Variants in ISCU observed in about 807,000 individuals in gnomAD.
ISCU encodes iron-sulfur cluster assembly enzyme ISCU.
A neutral mutation model predicts 18.4 loss-of-function variants in ISCU; 13 were observed. That is an observed-to-expected ratio of 0.71 (90% confidence interval 0.46 to 1.12). The LOEUF is 1.12. Among genes scored for constraint, ISCU ranks in the 50% most tolerant of loss-of-function variants. ISCU has a pLI of 0.00. For missense variants in ISCU, 229 were observed against 208.7 expected, an observed-to-expected ratio of 1.10 and a Z score of -0.60; for synonymous variants, 104 against 87.5, an observed-to-expected ratio of 1.19 and a Z score of -1.06.
chr12:108,568,896 G>T lies in ISCU; in HGVS notation c.484G>T (p.Gly162Ter), dbSNP rs200756181. The change falls in exon 5 of 5, where the codon GGA (glycine) becomes TGA (stop). Residue 162 changes from glycine (G) to a stop codon, truncating the protein, a stop_gained. Transcript: ENST00000311893. LOFTEE classifies it high-confidence loss of function. The part of the protein sequence containing the change: ...DYKLKQEPKK[G>*]EAEKK Reference sequence around the variant, plus strand: ...CAAATTGAAACAAGAACCCAAAAAAGGAGAGGCAGAGAAGAAATGAGCCCT... The same window carrying T: ...CAAATTGAAACAAGAACCCAAAAAATGAGAGGCAGAGAAGAAATGAGCCCT... 6 of 1,612,820 alleles carry T rather than the reference G, an allele frequency of 3.7e-6. No homozygotes were observed. In the East Asian group the frequency reaches 1.3e-4, roughly 36 times the overall value.
At chr12:108,563,619 C>T (rs191325911) in intron 1 of ISCU, 1 of 230,022 alleles carries the variant, frequency 4.3e-6, no homozygotes, top group African/African-American at 2.3e-5. Flanking sequence ...TTATTGTGAT[C>T]TGGCTTCTGC....
chr12:108,569,042 T>C lies in ISCU; in HGVS notation c.*126T>C. On this transcript the variant is annotated 3_prime_UTR_variant, in exon 5 of 5. Transcript: ENST00000311893. ...GCTATGAGATACGCACAATACTTGC[T>C]GTTCACGTTATGACTCTCATGCAAG... is the stretch of plus-strand genomic sequence containing the variant. The C allele has an allele frequency of 1.3e-6, 1 of 786,856 alleles. No homozygotes were observed. The highest frequency in any genetic ancestry group is 2.1e-5 in the Admixed American group (1 of 47,384). 48.7% of individuals were successfully genotyped at this position (786,856 alleles called of 1,614,324 possible).
In ISCU at chr12:108,569,072, A is replaced by G. The variant is rs2031035134; in HGVS notation, c.*156A>G. The G allele has an allele frequency of 1.5e-6, 1 of 683,476 alleles. No homozygotes were observed. Among genetic ancestry groups the G allele is most frequent in the South Asian group, 1.6e-5 (1 of 62,232 alleles). The allele number at this position is 683,476 out of a possible 1,614,324, so 42.3% of individuals were successfully genotyped here. ...ACGTTATGACTCTCATGCAAGCAAA[A>G]TACACAGTTTCATTGTTCTGAATCC... On this transcript the variant is annotated 3_prime_UTR_variant, in exon 5 of 5. Coordinates refer to ENST00000311893, the MANE Select transcript of ISCU (RefSeq NM_213595.4).
intron 1 of ISCU, chr12:108,563,057 G>A: frequency 4.7e-6 from 1 of 210,684 alleles, no homozygotes; most frequent in Middle Eastern, 1.5e-3. Flanking sequence ...CCCCGGAGCG[G>A]GCTCCGGCTT....
rs74985815 is a variant in ISCU at position 108,568,598 on chromosome 12, G to A, written c.419-233G>A. 1,028 of 1,401,868 alleles carry A rather than the reference G, an allele frequency of 7.3e-4. 1 individual carries two copies. The highest frequency in any genetic ancestry group is 8.7e-4 in the Non-Finnish European group (945 of 1,080,058). 86.8% of individuals were successfully genotyped at this position (1,401,868 alleles called of 1,614,324 possible). A position where few individuals can be genotyped will look rare whatever the true frequency, so the allele number is the denominator to read the frequency against. On this transcript the variant is annotated intron_variant, in intron 4 of 4. Transcript: ENST00000311893. Reference sequence around the variant, plus strand: ...TAGGGTCAAAGAGGCTAAGGAACTAGCCTGGGATCACAGATTTTTAACCCT... The same window carrying A: ...TAGGGTCAAAGAGGCTAAGGAACTAACCTGGGATCACAGATTTTTAACCCT...
At chr12:108,561,464 G>C, upstream of ISCU, 1 of 359,964 alleles carries the variant, frequency 2.8e-6, no homozygotes, top group Non-Finnish European at 5.1e-6. Flanking sequence ...GATGTCTGTA[G>C]TGAAGAATTT....
chr12:108,564,131 C>T, intron 1 of ISCU, 148 bp from the exon 2 acceptor site: 1 of 1,612,668 alleles, frequency 6.2e-7, no homozygotes, highest in South Asian at 1.1e-5. Flanking sequence ...TTCTCATTGA[C>T]ATGAGTGTAG....
At position 108,565,308 on chromosome 12, in the gene ISCU, G is replaced by A. The variant is rs775507445; in HGVS notation, c.229-13G>A. 3.7e-5 allele frequency: 60 copies of A among 1,602,840 alleles called. 1 individual carries two copies. The highest frequency in any genetic ancestry group is 2.3e-4 in the South Asian group (21 of 90,806). On this transcript the variant is annotated splice_polypyrimidine_tract_variant and intron_variant, in intron 2 of 4. Coordinates refer to ENST00000311893, the MANE Select transcript of ISCU (RefSeq NM_213595.4). ...TCCCAGGACTCACCACTTAACTCTT[G>A]TCTCTTTTCTAGATTCAAGTGGATG...
intron 1 of ISCU, chr12:108,563,511 G>C (rs1266076184): frequency 1.2e-5 from 2 of 166,238 alleles, no homozygotes; most frequent in Admixed American, 5.6e-5. Flanking sequence ...TAGTCAGATG[G>C]GGGGAAAAGG....
chr12:108,563,656 T>G (rs1458267539), intron 1 of ISCU: 1 of 264,284 alleles, frequency 3.8e-6, no homozygotes, highest in Non-Finnish European at 7.4e-6. Flanking sequence ...TCTTCACTCC[T>G]CCCCCTCCCG....
Position 108,565,425 on chromosome 12 carries a change from A to G in ISCU, c.333A>G (p.Gly111=), listed in dbSNP as rs747686924. The change falls in exon 3 of 5, where the codon GGA becomes GGG. Residue 111 remains glycine, a synonymous_variant. Transcript: ENST00000311893. The stretch of plus-strand genomic sequence containing the variant: ...CATTAGCCACTGAATGGGTGAAAGG[A>G]AAGACGGTAAGGTGGCTCACAAATC... ...SSSLATEWVK[G]KTVEEALTIK... is the part of the protein sequence containing the mutation. 1.2e-6 allele frequency: 2 copies of G among 1,605,330 alleles called. No homozygotes were observed. Among genetic ancestry groups the G allele is most frequent in the Middle Eastern group, 1.7e-4 (1 of 6,044 alleles).
upstream of ISCU, among the ~76,000 whole-genome samples, chr12:108,561,772 A>G (rs115848800): frequency 2.7e-3 from 408 of 152,370 alleles, 2 homozygotes; most frequent in African/African-American, 9.1e-3. Flanking sequence ...ATTTCTTTAG[A>G]AATTCTTAAT....
rs1034147187 is a variant in ISCU, at chr12:108,568,015, A to G, written c.418+747A>G. 5 of 1,528,770 alleles carry G rather than the reference A, an allele frequency of 3.3e-6. No homozygotes were observed. The African/African-American group carries it at 6.9e-5, about 21-fold the overall frequency. The allele number at this position is 1,528,770 out of a possible 1,614,324, so 94.7% of individuals were successfully genotyped here. On this transcript the variant is annotated intron_variant, in intron 4 of 4. Coordinates refer to ENST00000311893, the MANE Select transcript of ISCU (RefSeq NM_213595.4). ...CAGCAGAGAGTCAGGCCTCTTGCCA[A>G]GGTAATACTCACAGCAGAAGAGCCA...
At chr12:108,568,287 A>G (rs2030993263) in intron 4 of ISCU, 6 of 1,128,890 alleles carry the variant, frequency 5.3e-6, no homozygotes, top group Middle Eastern at 3.8e-4. Flanking sequence ...TATTTTCCCC[A>G]TAGCCTCACT....
intron 3 of ISCU, among the ~76,000 whole-genome samples, chr12:108,566,158 G>A (rs1057250566): frequency 3.3e-5 from 5 of 152,256 alleles, no homozygotes; most frequent in African/African-American, 1.2e-4. Context: ...TCACAGAGGA[G>A]CATGCTTGGA....
chr12:108,564,529 G>A (rs1272204929), intron 2 of ISCU, 137 bp downstream of exon 2: 1 of 714,674 alleles, frequency 1.4e-6, no homozygotes, highest in Non-Finnish European at 2.5e-6. Context: ...CTGTGAGATG[G>A]GATGAGTCCA....
chr12:108,562,631 G>A lies in ISCU; in HGVS notation c.9G>A (p.Ala3=), dbSNP rs774437284. The A allele has an allele frequency of 6.8e-6, 10 of 1,473,434 alleles. No individual in the cohort carries two copies. The African/African-American group carries it at 7.3e-5, about 11-fold the overall frequency. 91.3% of individuals were successfully genotyped at this position (1,473,434 alleles called of 1,614,324 possible). MA[A]AGAFRLRRAA... ...AGGCGCAAGCCGGCAAGATGGCGGC[G>A]GCTGGGGCTTTCCGTCTGAGGCGGG... Residue 3 remains alanine (A), a synonymous_variant, in exon 1 of 5, where the codon GCG becomes GCA. Transcript: ENST00000311893.
At chr12:108,567,945 C>G in intron 4 of ISCU, 1 of 1,420,506 alleles carries the variant, frequency 7.0e-7, no homozygotes, top group Non-Finnish European at 9.6e-7. Flanking sequence ...GAAACATTAG[C>G]CTTAATGCAT....
intron 2 of ISCU, among the ~76,000 whole-genome samples, chr12:108,564,782 A>G (rs2030811479): frequency 6.6e-6 from 1 of 152,240 alleles, no homozygotes; most frequent in Non-Finnish European, 1.5e-5. Flanking sequence ...AGATTGGGGG[A>G]AACATGAAAA....
Sources: gnomAD v4.1 joint callset for allele counts (sites outside exome capture counted in the v4.1 genomes callset) on GRCh38, gnomAD v4.1.1 for gene constraint, MANE v1.5 for transcripts, NCBI Gene and HGNC (gene_info 2026-07-23, HGNC 2026-07-21) for gene names.